The following PARD3 variants were observed in gnomAD, a reference collection of about 807,000 sequenced individuals.
The protein encoded by PARD3 is partitioning defective 3 homolog.
In PARD3, 75 loss-of-function variants were observed where a neutral mutation model predicts 155.4. The observed-to-expected ratio is 0.48, with a 90% CI of 0.40 to 0.58. PARD3 has a LOEUF of 0.58. PARD3 is among the 20% of genes least tolerant of loss of function. PARD3 has a pLI of 0.00. For missense variants in PARD3, 1,642 were observed against 1,721.7 expected, an observed-to-expected ratio of 0.95 and a Z score of 0.82; for synonymous variants, 576 against 610.5, an observed-to-expected ratio of 0.94 and a Z score of 0.83.
At position 34,137,383 on chromosome 10, in the gene PARD3, T is replaced by C. The variant is rs145919832; in HGVS notation, c.3420-5800A>G. Among the ~76,000 whole-genome samples the C allele has an allele frequency of 2.3e-3, 344 of 152,302 alleles. 1 individual carries two copies. Among genetic ancestry groups the C allele is most frequent in the African/African-American group, 7.8e-3 (324 of 41,562 alleles). Reference sequence around the variant, plus strand: ...GGAAGCAGGGAAGCTGATATTTCCCTAGTAGAAGCCTCTGTGTGAGAACCC... The same window carrying C: ...GGAAGCAGGGAAGCTGATATTTCCCCAGTAGAAGCCTCTGTGTGAGAACCC... On this transcript the variant is annotated intron_variant, in intron 22 of 24. Coordinates refer to ENST00000374788, the MANE Select transcript of PARD3 (RefSeq NM_001184785.2).
rs1190923750 is a variant in PARD3 at position 34,111,081 on chromosome 10, T to C, written c.*88A>G. ...ACAACAGAAATACTCCATAGTACCA[T>C]CGAGGTTTTAAAAAAACTCCCAAAA... On this transcript the variant is annotated 3_prime_UTR_variant, in exon 25 of 25. Coordinates refer to ENST00000374788, the MANE Select transcript of PARD3 (RefSeq NM_001184785.2). 4 of 1,391,750 alleles carry C rather than the reference T, an allele frequency of 2.9e-6. No individual in the cohort carries two copies. The South Asian group carries it at 4.4e-5, about 15-fold the overall frequency. The allele number at this position is 1,391,750 out of a possible 1,614,324, so 86.2% of individuals were successfully genotyped here.
intron 4 of PARD3, 114 bp downstream of exon 4, chr10:34,469,971 G>A: frequency 1.4e-6 from 1 of 736,294 alleles, no homozygotes. Context: ...CTCACAAAAG[G>A]CCATCATGAA....
At chr10:34,415,110 G>A (rs1298251796) in intron 5 of PARD3, among the ~76,000 whole-genome samples, 1 of 152,124 alleles carries the variant, frequency 6.6e-6, no homozygotes, top group Non-Finnish European at 1.5e-5. Flanking sequence ...CAATGTGCAA[G>A]AACTGGTATG....
intron 5 of PARD3, among the ~76,000 whole-genome samples, chr10:34,405,489 T>G (rs1051098759): frequency 6.6e-6 from 1 of 152,146 alleles, no homozygotes; most frequent in Non-Finnish European, 1.5e-5. Flanking sequence ...ATATTTTCAA[T>G]GTAGAATGTC....
chr10:34,806,201 T>TC (rs1254016635), intron 1 of PARD3, among the ~76,000 whole-genome samples: 1 of 149,318 alleles, frequency 6.7e-6, no homozygotes, highest in African/African-American at 2.5e-5. Context: ...TGGCTAATTT[T>TC]TTTTTTTTTT....
intron 22 of PARD3, among the ~76,000 whole-genome samples, chr10:34,257,778 T>C (rs1165390903): frequency 2.6e-5 from 4 of 152,220 alleles, no homozygotes; most frequent in African/African-American, 9.6e-5. Flanking sequence ...TTTCGGGCAA[T>C]GTTAATCAAC....
At chr10:34,250,241 C>G (rs531693400) in intron 22 of PARD3, among the ~76,000 whole-genome samples, 1 of 151,716 alleles carries the variant, frequency 6.6e-6, no homozygotes, top group Non-Finnish European at 1.5e-5. Context: ...CAATTAGCAG[C>G]CTTCTGAATG....
chr10:34,636,840 A>G (rs1046345560), intron 2 of PARD3, among the ~76,000 whole-genome samples: 1 of 152,206 alleles, frequency 6.6e-6, no homozygotes, highest in Non-Finnish European at 1.5e-5. Flanking sequence ...CACGGCTTAT[A>G]AAAAATAAGC....
chr10:34,768,413 G>A (rs917138765), intron 1 of PARD3, among the ~76,000 whole-genome samples: 6 of 152,184 alleles, frequency 3.9e-5, no homozygotes, highest in African/African-American at 7.2e-5. Context: ...AAGCAAAGGC[G>A]GGACAACTGG....
Position 34,204,399 on chromosome 10 carries a change from G to A in PARD3, c.3419+65258C>T, listed in dbSNP as rs552776774. On this transcript the variant is annotated intron_variant, in intron 22 of 24. Transcript: ENST00000374788. ...CTGGAAAGCATAACCTCACGGCGCA[G>A]TGTTGGCAGGCTGGGTAGGAAAACC... Among the ~76,000 whole-genome samples, 20 of 152,338 alleles carry A rather than the reference G, an allele frequency of 1.3e-4. No individual in the cohort carries two copies. In the South Asian group the frequency reaches 4.1e-3, roughly 32 times the overall value.
At chr10:34,687,620 C>T (rs2133394447) in intron 2 of PARD3, among the ~76,000 whole-genome samples, 1 of 152,168 alleles carries the variant, frequency 6.6e-6, no homozygotes, top group South Asian at 2.1e-4. Context: ...AGGGTCACCA[C>T]CAAAACAGAA....
intron 1 of PARD3, among the ~76,000 whole-genome samples, chr10:34,722,402 T>C (rs1278088119): frequency 6.6e-6 from 1 of 152,178 alleles, no homozygotes; most frequent in African/African-American, 2.4e-5. Context: ...AGTCCAAGTT[T>C]TAATAATAAA....
chr10:34,359,348 A>G, intron 13 of PARD3, 31 bp from the exon 14 acceptor site: 1 of 1,537,772 alleles, frequency 6.5e-7, no homozygotes, highest in Non-Finnish European at 8.9e-7. Context: ...AATAAGTGCT[A>G]TTAAACAGAC....
intron 1 of PARD3, among the ~76,000 whole-genome samples, chr10:34,701,039 A>G (rs1043742570): frequency 5.3e-5 from 8 of 152,082 alleles, no homozygotes; most frequent in African/African-American, 1.9e-4. Context: ...CACGTGTTCA[A>G]AGAAAACTAC....
chr10:34,735,899 T>G (rs574845992), intron 1 of PARD3, among the ~76,000 whole-genome samples: 2 of 152,304 alleles, frequency 1.3e-5, no homozygotes, highest in South Asian at 4.1e-4. Context: ...ACACTTTTCT[T>G]GGAGTAATAA....
rs533458859 is a variant in PARD3, at chr10:34,330,896, C to T, written c.2833+221G>A. On this transcript the variant is annotated intron_variant, in intron 19 of 24. Coordinates refer to ENST00000374788, the MANE Select transcript of PARD3 (RefSeq NM_001184785.2). ...TTCTGCATTCAATCTAATGCAGTATCACAGGACATGTGGCCTCCAAAAAAC... is the reference window on the plus strand; with the variant it reads ...TTCTGCATTCAATCTAATGCAGTATTACAGGACATGTGGCCTCCAAAAAAC... 2.6e-5 allele frequency among the ~76,000 whole-genome samples: 4 copies of T among 152,128 alleles called. No individual in the cohort carries two copies. In the East Asian group the frequency reaches 7.7e-4, roughly 29 times the overall value.
intron 1 of PARD3, among the ~76,000 whole-genome samples, chr10:34,723,306 G>T (rs948186438): frequency 6.6e-6 from 1 of 152,148 alleles, no homozygotes; most frequent in Non-Finnish European, 1.5e-5. Context: ...GGACAAAAAA[G>T]AAATCATATA....
intron 1 of PARD3, among the ~76,000 whole-genome samples, chr10:34,803,887 C>T (rs897887754): frequency 3.9e-5 from 6 of 152,132 alleles, no homozygotes; most frequent in African/African-American, 1.4e-4. Flanking sequence ...AAAAAATATT[C>T]CTGATAGGAT....
intron 2 of PARD3, among the ~76,000 whole-genome samples, chr10:34,602,648 T>A (rs190184569): frequency 2.6e-5 from 4 of 152,178 alleles, no homozygotes; most frequent in African/African-American, 9.7e-5. Flanking sequence ...AGATGTAATA[T>A]GAGAAAAGCA....
Sources: gnomAD v4.1 joint callset for allele counts (sites outside exome capture counted in the v4.1 genomes callset) on GRCh38, gnomAD v4.1.1 for gene constraint, MANE v1.5 for transcripts, NCBI Gene and HGNC (gene_info 2026-07-23, HGNC 2026-07-21) for gene names.